Variants in FSTL4 observed in about 807,000 individuals in gnomAD.
FSTL4 encodes follistatin-related protein 4.
Under a neutral mutation model 78.2 loss-of-function variants are expected in FSTL4, and 28 were observed. The observed-to-expected ratio is 0.36, with a 90% CI of 0.27 to 0.49. The LOEUF (loss-of-function observed/expected upper bound fraction) is 0.49, where lower values mean the gene tolerates loss of function less well. Ranked by LOEUF, FSTL4 falls within the 20% of genes least tolerant of loss-of-function variation. The pLI is 0.98. For missense variants in FSTL4, 922 were observed against 1,084.9 expected (o/e 0.85, Z 2.11); for synonymous variants, 422 against 440.5 (o/e 0.96, Z 0.53).
chr5:133,625,354 T>C, the FSTL4 span, among the ~76,000 whole-genome samples: 1 of 151,746 alleles, frequency 6.6e-6, no homozygotes, highest in East Asian at 1.9e-4. Flanking sequence ...AGTTTATACA[T>C]TTTGAAGAAT....
chr5:133,351,899 C>T lies in FSTL4; in HGVS notation c.410-35247G>A, dbSNP rs903161462. On this transcript the variant is annotated intron_variant, in intron 4 of 15. Transcript: ENST00000265342. ...CTGAGATTACAGGTGTAAGCCACTG[C>T]ACCTGGCCTTATATTTTGAATTTTT... 5.3e-5 allele frequency among the ~76,000 whole-genome samples: 8 copies of T among 152,120 alleles called. No individual in the cohort carries two copies. The South Asian group carries it at 1.7e-3, about 32-fold the overall frequency.
intron 8 of FSTL4, among the ~76,000 whole-genome samples, chr5:133,227,128 T>C (rs188628947): frequency 4.7e-4 from 72 of 152,320 alleles, no homozygotes; most frequent in Non-Finnish European, 9.0e-4. Flanking sequence ...CCTCCAATGG[T>C]CCAGAGCTGT....
intron 3 of FSTL4, among the ~76,000 whole-genome samples, chr5:133,449,515 A>G (rs1164934146): frequency 2.0e-5 from 3 of 152,334 alleles, no homozygotes; most frequent in Middle Eastern, 3.4e-3. Context: ...CCTGGAGACA[A>G]GCCCGTGGTT....
At chr5:133,297,102 C>A (rs1031602332) in intron 6 of FSTL4, among the ~76,000 whole-genome samples, 2 of 152,162 alleles carry the variant, frequency 1.3e-5, no homozygotes, top group African/African-American at 2.4e-5. Flanking sequence ...AAGCTCTCTA[C>A]AGGAGAAAAA....
intron 3 of FSTL4, among the ~76,000 whole-genome samples, chr5:133,532,335 C>T (rs577111601): frequency 6.6e-6 from 1 of 152,326 alleles, no homozygotes; most frequent in South Asian, 2.1e-4. Flanking sequence ...CTACAGTCAC[C>T]ACAAAATGCC....
rs1040202437 is a variant in FSTL4, at chr5:133,225,928, C to T, written c.1016-109G>A. 1 of 739,826 alleles carries T rather than the reference C, an allele frequency of 1.4e-6. No homozygotes were observed. The highest frequency in any genetic ancestry group is 2.1e-6 in the Non-Finnish European group (1 of 478,910). The allele number at this position is 739,826 out of a possible 1,614,324, so 45.8% of individuals were successfully genotyped here. On this transcript the variant is annotated intron_variant, in intron 8 of 15. Coordinates refer to ENST00000265342, the MANE Select transcript of FSTL4 (RefSeq NM_015082.2). This position sits in a 1 kb window ranked among gnomAD's most constrained non-coding sequence, Gnocchi z 4.6. ...AGAGGGGGTGAACCCAAGTAGGTGA[C>T]TGGAGTTCTGTGTTTAACCAAATTA...
intron 3 of FSTL4, among the ~76,000 whole-genome samples, chr5:133,538,728 A>T (rs1167354265): frequency 6.6e-6 from 1 of 152,172 alleles, no homozygotes. Context: ...TTTGTTGTGT[A>T]ACCATTCAAA....
At chr5:133,785,693 G>C in the FSTL4 span, among the ~76,000 whole-genome samples, 1 of 152,220 alleles carries the variant, frequency 6.6e-6, no homozygotes, top group Non-Finnish European at 1.5e-5. Context: ...GGGGCCCTCA[G>C]TGGAGAACAG....
At chr5:133,590,508 G>A (rs1642814641) in intron 2 of FSTL4, among the ~76,000 whole-genome samples, 1 of 152,046 alleles carries the variant, frequency 6.6e-6, no homozygotes, top group African/African-American at 2.4e-5. Flanking sequence ...GCAGGGTGGT[G>A]GACCTTCTAA....
chr5:133,678,196 T>G, the FSTL4 span, among the ~76,000 whole-genome samples: 1 of 152,302 alleles, frequency 6.6e-6, no homozygotes, highest in Admixed American at 6.5e-5. Context: ...ATGTAGATGA[T>G]GTTGGGTGGT....
At chr5:133,272,997 G>A (rs1374388544) in intron 6 of FSTL4, among the ~76,000 whole-genome samples, 2 of 152,250 alleles carry the variant, frequency 1.3e-5, no homozygotes, top group Non-Finnish European at 2.9e-5. Context: ...ATCCCCTGCA[G>A]GAGCAGGACG....
chr5:133,448,286 T>C (rs1288589743), intron 3 of FSTL4, among the ~76,000 whole-genome samples: 1 of 152,178 alleles, frequency 6.6e-6, no homozygotes, highest in Non-Finnish European at 1.5e-5. Flanking sequence ...ACCTCTATTT[T>C]CCACAGGCCC....
At chr5:133,423,826 C>T (rs191284492) in intron 3 of FSTL4, among the ~76,000 whole-genome samples, 11 of 152,304 alleles carry the variant, frequency 7.2e-5, no homozygotes, top group South Asian at 4.1e-4. Flanking sequence ...AGAAGACATA[C>T]ATAACTGAGT....
chr5:133,326,863 C>T (rs962388449), intron 4 of FSTL4, among the ~76,000 whole-genome samples: 4 of 152,214 alleles, frequency 2.6e-5, no homozygotes, highest in South Asian at 2.1e-4. Flanking sequence ...CAGGGACCTA[C>T]GGTGGGCATA....
intron 3 of FSTL4, among the ~76,000 whole-genome samples, chr5:133,457,295 T>C (rs1231789869): frequency 2.0e-5 from 3 of 152,188 alleles, no homozygotes; most frequent in African/African-American, 4.8e-5. Context: ...CACGTTAACC[T>C]TTCCTTTGCT....
At chr5:133,495,319 T>C (rs1446265210) in intron 3 of FSTL4, among the ~76,000 whole-genome samples, 1 of 152,148 alleles carries the variant, frequency 6.6e-6, no homozygotes, top group East Asian at 1.9e-4. Context: ...CTCACTGTGA[T>C]TGCTGGAGAA....
intron 7 of FSTL4, chr5:133,248,039 C>G (rs1752097011): frequency 6.6e-6 from 1 of 152,278 alleles, no homozygotes; most frequent in Admixed American, 6.5e-5. Flanking sequence ...TAGCTGCCCT[C>G]TTGTGGCTAG....
intron 4 of FSTL4, among the ~76,000 whole-genome samples, chr5:133,358,064 A>T (rs1238217567): frequency 6.6e-6 from 1 of 152,210 alleles, no homozygotes; most frequent in Non-Finnish European, 1.5e-5. Context: ...CTATCTGCTC[A>T]GCTTGTCCTT....
the FSTL4 span, among the ~76,000 whole-genome samples, chr5:133,646,841 C>T: frequency 6.6e-6 from 1 of 151,946 alleles, no homozygotes; most frequent in Non-Finnish European, 1.5e-5. Flanking sequence ...GGAAATGTCC[C>T]CACAATCCCT....
Sources: allele counts gnomAD v4.1 joint callset (sites outside exome capture counted in the v4.1 genomes callset), GRCh38; gene constraint gnomAD v4.1.1; non-coding constraint Gnocchi (gnomAD v3.1); transcripts MANE v1.5; gene names NCBI Gene and HGNC (gene_info 2026-07-23, HGNC 2026-07-21).